ACSS3: variants seen among roughly 807,000 people sequenced by gnomAD.
ACSS3 encodes the protein acyl-CoA synthetase short-chain family member 3, mitochondrial.
Under a neutral mutation model 84.2 loss-of-function variants are expected in ACSS3, and 64 were observed. That is an observed-to-expected ratio of 0.76 (90% confidence interval 0.62 to 0.94). The LOEUF (loss-of-function observed/expected upper bound fraction) is 0.94. Ranked by LOEUF, ACSS3 falls within the 40% of genes least tolerant of loss-of-function variation. The pLI is 0.00. For synonymous variants in ACSS3, 317 were observed against 310.1 expected, an observed-to-expected ratio of 1.02 and a Z score of -0.23; for missense variants, 815 against 867.6, an observed-to-expected ratio of 0.94 and a Z score of 0.76.
At chr12:81,136,995 G>A (rs912911045) in intron 3 of ACSS3, among the ~76,000 whole-genome samples, 1 of 152,076 alleles carries the variant, frequency 6.6e-6, no homozygotes, top group Non-Finnish European at 1.5e-5. Context: ...TTCTTAATGG[G>A]AAGAAAGCTA....
At position 81,257,238 on chromosome 12, in the gene ACSS3, T is replaced by C. The variant is rs2034333865; in HGVS notation, c.*2316T>C. The C allele has an allele frequency of 6.6e-6, 1 of 152,160 alleles. No homozygotes were observed. Among genetic ancestry groups the C allele is most frequent in the Admixed American group, 6.6e-5 (1 of 15,258 alleles). The allele number at this position is 152,160 out of a possible 1,614,324, so 9.4% of individuals were successfully genotyped here. A position where few individuals can be genotyped will look rare whatever the true frequency, so the allele number is the denominator to read the frequency against. ...CAGTGCTGGAGACTGGGGAAGTGGC[T>C]ATTTCCTGTGTCTCACTGGGGAATT... On this transcript the variant is annotated 3_prime_UTR_variant, in exon 16 of 16. Transcript: ENST00000548058.
rs149872212 is a variant in ACSS3, at chr12:81,116,162, A to G, written c.456+6458A>G. On this transcript the variant is annotated intron_variant, in intron 2 of 15. Coordinates refer to ENST00000548058, the MANE Select transcript of ACSS3 (RefSeq NM_024560.4). ...TATTTCATTTTAAATAGATGAGTAT[A>G]TCCTAAATACTGGCTTAAATTTTTA... 1.9e-3 allele frequency among the ~76,000 whole-genome samples: 286 copies of G among 152,198 alleles called. 1 individual carries two copies. The highest frequency in any genetic ancestry group is 6.6e-3 in the African/African-American group (275 of 41,546).
intron 5 of ACSS3, among the ~76,000 whole-genome samples, chr12:81,147,432 A>G (rs1444774800): frequency 2.0e-5 from 3 of 152,200 alleles, no homozygotes; most frequent in African/African-American, 4.8e-5. Flanking sequence ...GAAGATACAA[A>G]GATGTTGTCC....
At chr12:81,110,660 A>T (rs543688319) in intron 2 of ACSS3, among the ~76,000 whole-genome samples, 66 of 152,326 alleles carry the variant, frequency 4.3e-4, no homozygotes, top group Non-Finnish European at 7.9e-4. Flanking sequence ...ATGGCACGAC[A>T]TTTAGCAGTA....
chr12:81,221,075 C>T (rs1294793800), intron 11 of ACSS3, among the ~76,000 whole-genome samples: 2 of 151,922 alleles, frequency 1.3e-5, no homozygotes, highest in African/African-American at 4.8e-5. Flanking sequence ...GGCAAAACTG[C>T]TATCATTTAA....
intron 1 of ACSS3, among the ~76,000 whole-genome samples, chr12:81,087,888 G>C (rs7296904): frequency 0.065 from 9,851 of 152,110 alleles, 795 homozygotes; most frequent in African/African-American, 0.19. Flanking sequence ...AAAACAAACT[G>C]ATTTCTGGTT....
chr12:81,178,208 T>A (rs965143337), intron 8 of ACSS3, among the ~76,000 whole-genome samples: 1 of 149,660 alleles, frequency 6.7e-6, no homozygotes, highest in South Asian at 2.1e-4. Context: ...GTAAACTATC[T>A]CAAGGACAAA....
intron 8 of ACSS3, among the ~76,000 whole-genome samples, chr12:81,187,764 T>C (rs1159523288): frequency 6.6e-6 from 1 of 152,010 alleles, no homozygotes; most frequent in East Asian, 1.9e-4. Flanking sequence ...TTTATCCCTC[T>C]GGTGCTTAGA....
chr12:81,215,483 G>T (rs80073757), intron 9 of ACSS3, among the ~76,000 whole-genome samples: 7 of 152,244 alleles, frequency 4.6e-5, no homozygotes, highest in African/African-American at 1.7e-4. Context: ...AAGGTAAAGA[G>T]CAGTAATAAA....
intron 8 of ACSS3, among the ~76,000 whole-genome samples, chr12:81,179,169 A>T (rs1003599347): frequency 3.9e-5 from 6 of 151,948 alleles, no homozygotes; most frequent in Non-Finnish European, 8.8e-5. Flanking sequence ...ACTTAAATAT[A>T]AAACCTAAAA....
At chr12:81,165,290 A>C (rs1197948638) in intron 7 of ACSS3, among the ~76,000 whole-genome samples, 1 of 152,168 alleles carries the variant, frequency 6.6e-6, no homozygotes, top group Non-Finnish European at 1.5e-5. Context: ...GAAGCAGAAT[A>C]AATATCAGAT....
chr12:81,244,281 C>T (rs2033910524), intron 13 of ACSS3, among the ~76,000 whole-genome samples: 1 of 151,988 alleles, frequency 6.6e-6, no homozygotes, highest in African/African-American at 2.4e-5. Flanking sequence ...CTGGCTTTCT[C>T]TAGAATTTTT....
intron 13 of ACSS3, 57 bp from the exon 14 acceptor site, chr12:81,253,250 G>T: frequency 1.4e-6 from 2 of 1,451,504 alleles, no homozygotes; most frequent in South Asian, 2.3e-5. Flanking sequence ...TCTATATGTT[G>T]AATATACATA....
chr12:81,175,822 A>C (rs1337856165), intron 8 of ACSS3, among the ~76,000 whole-genome samples: 1 of 152,198 alleles, frequency 6.6e-6, no homozygotes, highest in Non-Finnish European at 1.5e-5. Flanking sequence ...CAAATGTACA[A>C]TATACCAGAT....
intron 2 of ACSS3, among the ~76,000 whole-genome samples, chr12:81,125,401 C>T (rs1020860866): frequency 2.0e-5 from 3 of 152,166 alleles, no homozygotes; most frequent in Admixed American, 1.3e-4. Context: ...ATGCTTTCTT[C>T]TTATTAATTC....
intron 13 of ACSS3, among the ~76,000 whole-genome samples, chr12:81,247,724 T>A (rs2034028660): frequency 1.3e-5 from 2 of 152,232 alleles, no homozygotes; most frequent in Middle Eastern, 3.4e-3. Context: ...TTATACTGAC[T>A]TTTTACTAGC....
chr12:81,239,212 A>T (rs918214477), intron 13 of ACSS3, among the ~76,000 whole-genome samples: 1 of 151,944 alleles, frequency 6.6e-6, no homozygotes. Flanking sequence ...ATTACCTCAG[A>T]ACAGATGTTG....
intron 13 of ACSS3, among the ~76,000 whole-genome samples, chr12:81,240,650 G>C (rs1259025110): frequency 6.6e-6 from 1 of 151,466 alleles, no homozygotes; most frequent in Non-Finnish European, 1.5e-5. Flanking sequence ...GCATTTTGTG[G>C]TTATAATTGA....
intron 8 of ACSS3, among the ~76,000 whole-genome samples, chr12:81,183,350 T>C (rs1235157791): frequency 6.6e-6 from 1 of 152,102 alleles, no homozygotes; most frequent in Non-Finnish European, 1.5e-5. Flanking sequence ...AATCAAAGCT[T>C]AGCACTACAG....
Sources: gnomAD v4.1 joint callset for allele counts (sites outside exome capture counted in the v4.1 genomes callset) on GRCh38, gnomAD v4.1.1 for gene constraint, MANE v1.5 for transcripts, NCBI Gene and HGNC (gene_info 2026-07-23, HGNC 2026-07-21) for gene names.